The following SHCBP1L variants were observed in gnomAD, a reference collection of about 807,000 sequenced individuals.
SHCBP1L encodes testicular spindle-associated protein SHCBP1L.
In SHCBP1L, 67 loss-of-function variants were observed where a neutral mutation model predicts 62.5. That is an observed-to-expected ratio of 1.07 (90% CI 0.88 to 1.31). The LOEUF (loss-of-function observed/expected upper bound fraction) is 1.31. Among genes scored for constraint, SHCBP1L ranks in the 40% most tolerant of loss-of-function variants. The probability of loss-of-function intolerance (pLI) is 0.00; values close to 1 mark genes in which losing one functional copy is unlikely to be tolerated. For synonymous variants in SHCBP1L, 284 were observed against 289.4 expected, an observed-to-expected ratio of 0.98 and a Z score of 0.19; for missense variants, 823 against 809.8, an observed-to-expected ratio of 1.02 and a Z score of -0.20.
At chr1:182,903,335 A>C (rs1351648487) in intron 8 of SHCBP1L, among the ~76,000 whole-genome samples, 174 bp from the exon 9 acceptor site, 1 of 152,192 alleles carries the variant, frequency 6.6e-6, no homozygotes, top group Non-Finnish European at 1.5e-5. Flanking sequence ...AAAAATATTG[A>C]AAATTTAAAT....
At chr1:182,916,428 G>T (rs1211594452) in intron 6 of SHCBP1L, among the ~76,000 whole-genome samples, 3 of 152,012 alleles carry the variant, frequency 2.0e-5, no homozygotes, top group African/African-American at 4.8e-5. Flanking sequence ...TTAATTTTTT[G>T]AAAAGATCAA....
At chr1:182,935,605 T>C (rs1289821206) in intron 5 of SHCBP1L, among the ~76,000 whole-genome samples, 1 of 152,206 alleles carries the variant, frequency 6.6e-6, no homozygotes, top group Non-Finnish European at 1.5e-5. Flanking sequence ...CAAATAAAGA[T>C]AGATTTATTT....
At chr1:182,904,905 T>A (rs1420043894) in intron 7 of SHCBP1L, among the ~76,000 whole-genome samples, 1 of 152,030 alleles carries the variant, frequency 6.6e-6, no homozygotes, top group Non-Finnish European at 1.5e-5. Flanking sequence ...TGCCACCACA[T>A]CCAGCTAACT....
chr1:182,923,316 C>T (rs2101934750), intron 6 of SHCBP1L, among the ~76,000 whole-genome samples: 1 of 152,314 alleles, frequency 6.6e-6, no homozygotes, highest in South Asian at 2.1e-4. Context: ...ATAAGAGTTG[C>T]TACCAATCCT....
intron 5 of SHCBP1L, among the ~76,000 whole-genome samples, chr1:182,937,971 C>G (rs1651235628): frequency 6.6e-6 from 1 of 152,152 alleles, no homozygotes; most frequent in African/African-American, 2.4e-5. Flanking sequence ...GGTAACAGAA[C>G]AGGTTAAAAG....
rs1553245973 is a variant in SHCBP1L at position 182,924,977 on chromosome 1, A to AG, written c.1182+4669_1182+4670insC. On this transcript the variant is annotated intron_variant, in intron 6 of 9. Transcript: ENST00000367547. ...AAGAAAGAAAGAAAGAAAGAAAGAA[A>AG]AAAAAAGGAAGAAGGAAAGGAAGGA... is the stretch of plus-strand genomic sequence containing the variant. Among the ~76,000 whole-genome samples the AG allele has an allele frequency of 8.2e-3, 1,149 of 140,370 alleles. 24 individuals carry two copies. Among genetic ancestry groups the AG allele is most frequent in the African/African-American group, 0.024 (838 of 34,928 alleles). The allele number at this position is 140,370 out of a possible 152,430, so 92.1% of individuals were successfully genotyped here. A position where few individuals can be genotyped will look rare whatever the true frequency, so the allele number is the denominator to read the frequency against.
intron 6 of SHCBP1L, among the ~76,000 whole-genome samples, chr1:182,908,758 A>T (rs1462029555): frequency 6.6e-6 from 1 of 152,192 alleles, no homozygotes; most frequent in African/African-American, 2.4e-5. Context: ...TTGCTGAATC[A>T]AAAGGTATAA....
In SHCBP1L at chr1:182,899,983, T is replaced by G. The variant is rs1649772900; in HGVS notation, c.1962A>C (p.Ter654TyrextTer3). The G allele has an allele frequency of 6.3e-7, 1 of 1,598,586 alleles. No homozygotes were observed. Among genetic ancestry groups the G allele is most frequent in the South Asian group, 1.1e-5 (1 of 87,286 alleles). The change falls in exon 10 of 10, where the codon TAA (stop) becomes TAC (tyrosine). Residue 654 changes from the stop codon to tyrosine (Y), a stop_lost. Coordinates refer to ENST00000367547, the MANE Select transcript of SHCBP1L (RefSeq NM_030933.4). Reference sequence around the variant, plus strand: ...AAACTTTAACATCAATTCAGACGCTTTAACTTGTGACTATTCTGATATCCC... The same window carrying G: ...AAACTTTAACATCAATTCAGACGCTGTAACTTGTGACTATTCTGATATCCC... ...VKGDIRIVTS[*>Y] is the part of the protein sequence containing the mutation.
At chr1:182,915,829 C>T (rs546350496) in intron 6 of SHCBP1L, among the ~76,000 whole-genome samples, 2 of 137,336 alleles carry the variant, frequency 1.5e-5, no homozygotes, top group African/African-American at 2.7e-5. Context: ...TTTTTTGAGA[C>T]GGAGTCTCAC....
rs957974915 is a variant in SHCBP1L, at chr1:182,952,962, T to A, written c.172A>T (p.Lys58Ter). Reference sequence around the variant, plus strand: ...GCCGTCTCCCGGCCCGCTTTCCCCTTCACCGGGCGAGGGGAGGCCACCACC... The same window carrying A: ...GCCGTCTCCCGGCCCGCTTTCCCCTACACCGGGCGAGGGGAGGCCACCACC... ...RSVVASPRPV[K>*]GKAGRETARL... The change falls in exon 1 of 10, where the codon AAG becomes TAG. Residue 58 changes from lysine (K) to a stop codon, truncating the protein, a stop_gained. Coordinates refer to ENST00000367547, the MANE Select transcript of SHCBP1L (RefSeq NM_030933.4). LOFTEE classifies it high-confidence loss of function. The A allele has an allele frequency of 1.3e-6, 2 of 1,545,946 alleles. No individual in the cohort carries two copies. The highest frequency in any genetic ancestry group is 2.7e-5 in the African/African-American group (2 of 73,074).
In SHCBP1L at chr1:182,914,560, G is replaced by A. The variant is rs76759587; in HGVS notation, c.1183-8911C>T. Among the ~76,000 whole-genome samples the A allele has an allele frequency of 2.9e-3, 434 of 152,136 alleles. 2 individuals are homozygous for A. Among genetic ancestry groups the A allele is most frequent in the African/African-American group, 9.9e-3 (410 of 41,512 alleles). ...AGTTGGTATCAATTCAAACTCAATCGTTATAAATGTAGGATGTGAATTACA... is the reference window on the plus strand; with the variant it reads ...AGTTGGTATCAATTCAAACTCAATCATTATAAATGTAGGATGTGAATTACA... On this transcript the variant is annotated intron_variant, in intron 6 of 9. Transcript: ENST00000367547.
intron 2 of SHCBP1L, among the ~76,000 whole-genome samples, chr1:182,940,928 C>G (rs1358489126): frequency 6.6e-6 from 1 of 152,050 alleles, no homozygotes; most frequent in African/African-American, 2.4e-5. Flanking sequence ...TCATTGCACA[C>G]TAATCCTTGA....
chr1:182,907,220 G>T (rs901338309), intron 6 of SHCBP1L, among the ~76,000 whole-genome samples: 1 of 151,546 alleles, frequency 6.6e-6, no homozygotes, highest in Non-Finnish European at 1.5e-5. Context: ...ATCACTTGAG[G>T]TCAGGAGTTC....
At chr1:182,918,135 T>TATATATACAC (rs1650412697) in intron 6 of SHCBP1L, among the ~76,000 whole-genome samples, 1 of 147,674 alleles carries the variant, frequency 6.8e-6, no homozygotes, top group South Asian at 2.1e-4. Flanking sequence ...TGTGTGTGTA[T>TATATATACAC]ATATATACAC....
chr1:182,909,790 C>G (rs1385998226), intron 6 of SHCBP1L, among the ~76,000 whole-genome samples: 3 of 152,248 alleles, frequency 2.0e-5, no homozygotes, highest in Non-Finnish European at 2.9e-5. Flanking sequence ...TCAAATGCTG[C>G]TCAAAGATTA....
At chr1:182,921,638 G>A (rs972407025) in intron 6 of SHCBP1L, among the ~76,000 whole-genome samples, 2 of 152,316 alleles carry the variant, frequency 1.3e-5, no homozygotes, top group South Asian at 2.1e-4. Context: ...GGGCGTGGTG[G>A]CTCACACCTA....
intron 2 of SHCBP1L, among the ~76,000 whole-genome samples, chr1:182,950,832 C>T (rs1301047488): frequency 1.3e-5 from 2 of 151,624 alleles, no homozygotes; most frequent in Admixed American, 6.6e-5. Flanking sequence ...CTGCAAGCTC[C>T]GCCTCCTGGG....
Position 182,948,152 on chromosome 1 carries a change from G to A in SHCBP1L, c.555+3166C>T, listed in dbSNP as rs1201559082. Among the ~76,000 whole-genome samples, 7 of 152,258 alleles carry A rather than the reference G, an allele frequency of 4.6e-5. No individual in the cohort carries two copies. In the East Asian group the frequency reaches 7.7e-4, roughly 17 times the overall value. On this transcript the variant is annotated intron_variant, in intron 2 of 9. Transcript: ENST00000367547. Reference sequence around the variant, plus strand: ...ATTTGGGAAGTCAAAAGTTATACACGGATTTTTGACTGTGCAGGGCCCTGC... The same window carrying A: ...ATTTGGGAAGTCAAAAGTTATACACAGATTTTTGACTGTGCAGGGCCCTGC...
At chr1:182,900,663 C>T (rs952990841) in intron 9 of SHCBP1L, among the ~76,000 whole-genome samples, 1 of 152,170 alleles carries the variant, frequency 6.6e-6, no homozygotes, top group African/African-American at 2.4e-5. Context: ...GAGCTCCTGA[C>T]CTCGTGATCC....
Sources: allele counts gnomAD v4.1 joint callset (sites outside exome capture counted in the v4.1 genomes callset), GRCh38; gene constraint gnomAD v4.1.1; transcripts MANE v1.5; gene names NCBI Gene and HGNC (gene_info 2026-07-23, HGNC 2026-07-21).